Variants in GPR137B observed in about 807,000 individuals in gnomAD.
The protein encoded by GPR137B is integral membrane protein GPR137B.
Under a neutral mutation model 42.5 loss-of-function variants are expected in GPR137B, and 42 were observed. The observed-to-expected ratio is 0.99, with a 90% CI of 0.77 to 1.28. The LOEUF is 1.28. Among genes scored for constraint, GPR137B ranks in the 50% most tolerant of loss-of-function variants. The pLI, the probability that GPR137B is intolerant of heterozygous loss-of-function variation, is 0.00. For synonymous variants in GPR137B, 218 were observed against 209.7 expected, an observed-to-expected ratio of 1.04 and a Z score of -0.34; for missense variants, 487 against 493.9, an observed-to-expected ratio of 0.99 and a Z score of 0.13.
chr1:236,168,611 G>A, intron 1 of GPR137B, 95 bp from the exon 2 acceptor site: 1 of 910,618 alleles, frequency 1.1e-6, no homozygotes, highest in South Asian at 1.3e-5. Context: ...CCCAGCGCTG[G>A]GGGATGAAGG....
chr1:236,185,365 C>A (rs1246126682), intron 5 of GPR137B, among the ~76,000 whole-genome samples: 1 of 152,178 alleles, frequency 6.6e-6, no homozygotes, highest in Non-Finnish European at 1.5e-5. Context: ...ACTTCAGAGT[C>A]TAGGTAACGA....
intron 1 of GPR137B, among the ~76,000 whole-genome samples, chr1:236,154,802 G>A (rs1168719402): frequency 1.3e-5 from 2 of 152,158 alleles, no homozygotes; most frequent in Admixed American, 6.5e-5. Context: ...ATCAGGGCAC[G>A]ATGGTACGAC....
intron 1 of GPR137B, among the ~76,000 whole-genome samples, chr1:236,157,373 G>A (rs1662062495): frequency 6.6e-6 from 1 of 152,094 alleles, no homozygotes; most frequent in Non-Finnish European, 1.5e-5. Flanking sequence ...ACAGGCGCCC[G>A]CCACCACGCC....
At chr1:236,174,952 G>A (rs534992147) in intron 2 of GPR137B, among the ~76,000 whole-genome samples, 1 of 152,302 alleles carries the variant, frequency 6.6e-6, no homozygotes, top group Admixed American at 6.5e-5. Flanking sequence ...TCAGATCAAA[G>A]GCATGGCTTG....
intron 4 of GPR137B, among the ~76,000 whole-genome samples, chr1:236,180,693 G>T (rs1308440962): frequency 6.8e-6 from 1 of 146,280 alleles, no homozygotes; most frequent in East Asian, 2.0e-4. Context: ...GGAGTGCAAT[G>T]GCGCGACCTG....
chr1:236,146,542 C>T (rs1661687846), intron 1 of GPR137B, among the ~76,000 whole-genome samples: 1 of 152,152 alleles, frequency 6.6e-6, no homozygotes, highest in Non-Finnish European at 1.5e-5. Context: ...CTCACCCTCC[C>T]TGGTGACCCA....
intron 1 of GPR137B, among the ~76,000 whole-genome samples, chr1:236,147,605 A>G (rs1661715822): frequency 6.6e-6 from 1 of 152,004 alleles, no homozygotes; most frequent in African/African-American, 2.4e-5. Context: ...GGGCCCTCCC[A>G]CCTGTAAAAA....
chr1:236,169,270 C>T (rs1008643372), intron 2 of GPR137B, among the ~76,000 whole-genome samples: 6 of 151,132 alleles, frequency 4.0e-5, no homozygotes, highest in African/African-American at 1.5e-4. Flanking sequence ...GGCAGGGCCT[C>T]GCCCCTGCAG....
Position 236,208,591 on chromosome 1 carries a change from T to TA in GPR137B, c.*434dup, listed in dbSNP as rs1479695550. The TA allele has an allele frequency of 3.1e-6, 3 of 975,648 alleles. No individual in the cohort carries two copies. Among genetic ancestry groups the TA allele is most frequent in the Non-Finnish European group, 3.7e-6 (3 of 820,190 alleles). The allele number at this position is 975,648 out of a possible 1,614,324, so 60.4% of individuals were successfully genotyped here. On this transcript the variant is annotated 3_prime_UTR_variant, in exon 7 of 7. Transcript: ENST00000366592. ...TTGGACTAAAGTATTCCACAAATCT[T>TA]ACCTCTTTAGGTCACTGATGGTCAC...
chr1:236,167,620 TCTC>T (rs1662399634), intron 1 of GPR137B, among the ~76,000 whole-genome samples: 1 of 152,118 alleles, frequency 6.6e-6, no homozygotes, highest in Non-Finnish European at 1.5e-5. Flanking sequence ...AGCTGTCCTC[TCTC>T]CTCCAGTCTT....
At chr1:236,193,953 TCCC>T in intron 5 of GPR137B, among the ~76,000 whole-genome samples, 1 of 152,202 alleles carries the variant, frequency 6.6e-6, no homozygotes, top group East Asian at 1.9e-4. Flanking sequence ...ATACTGATGG[TCCC>T]TGATTTACAA....
chr1:236,154,252 G>C (rs929335907), intron 1 of GPR137B, among the ~76,000 whole-genome samples: 4 of 151,454 alleles, frequency 2.6e-5, no homozygotes, highest in Non-Finnish European at 5.9e-5. Flanking sequence ...GTGGGGTCCA[G>C]ACCAACATGA....
intron 5 of GPR137B, among the ~76,000 whole-genome samples, chr1:236,198,078 A>G (rs1450580838): frequency 6.6e-6 from 1 of 152,120 alleles, no homozygotes; most frequent in Non-Finnish European, 1.5e-5. Flanking sequence ...GCCTTGTAAT[A>G]TAGTTGGAAG....
intron 5 of GPR137B, among the ~76,000 whole-genome samples, chr1:236,201,088 A>C (rs1663481024): frequency 6.6e-6 from 1 of 151,986 alleles, no homozygotes; most frequent in South Asian, 2.1e-4. Flanking sequence ...TTCATTTATG[A>C]AGCTTTGTTT....
intron 1 of GPR137B, among the ~76,000 whole-genome samples, chr1:236,154,224 G>A (rs1047345899): frequency 2.0e-4 from 31 of 152,168 alleles, no homozygotes; most frequent in Admixed American, 1.3e-3. Flanking sequence ...GTCTGCCTGG[G>A]TTTGTTCTCA....
intron 1 of GPR137B, among the ~76,000 whole-genome samples, chr1:236,154,511 G>A (rs764487095): frequency 6.6e-6 from 1 of 151,708 alleles, no homozygotes; most frequent in Non-Finnish European, 1.5e-5. Flanking sequence ...ACAGTGTCAG[G>A]AGCAGACCAA....
chr1:236,151,748 C>A (rs1661872685), intron 1 of GPR137B, among the ~76,000 whole-genome samples: 1 of 152,116 alleles, frequency 6.6e-6, no homozygotes, highest in African/African-American at 2.4e-5. Flanking sequence ...AAATGGCATA[C>A]ACACTTGCGA....
chr1:236,201,857 G>C (rs1269307337), intron 5 of GPR137B, among the ~76,000 whole-genome samples: 1 of 151,968 alleles, frequency 6.6e-6, no homozygotes. Flanking sequence ...CTGCTTTTCT[G>C]ATTCCTTCTC....
At chr1:236,168,306 C>T (rs962821588) in intron 1 of GPR137B, among the ~76,000 whole-genome samples, 3 of 151,858 alleles carry the variant, frequency 2.0e-5, no homozygotes, top group African/African-American at 7.3e-5. Context: ...ACCTGTAATC[C>T]CAGCTACTTG....
Sources: gnomAD v4.1 joint callset for allele counts (sites outside exome capture counted in the v4.1 genomes callset) on GRCh38, gnomAD v4.1.1 for gene constraint, MANE v1.5 for transcripts, NCBI Gene and HGNC (gene_info 2026-07-23, HGNC 2026-07-21) for gene names.